The following TUBGCP3 variants were observed in gnomAD, a reference collection of about 807,000 sequenced individuals.
TUBGCP3 encodes the protein tubulin gamma complex component 3.
In TUBGCP3, 50 loss-of-function variants were observed where a neutral mutation model predicts 123.1. The ratio of observed to expected loss-of-function variants is 0.41; its 90% confidence interval spans 0.32 to 0.51. The LOEUF is 0.51. Ranked by LOEUF, TUBGCP3 falls within the 20% of genes least tolerant of loss-of-function variation. The pLI, the probability that TUBGCP3 is intolerant of heterozygous loss-of-function variation, is 0.36. For synonymous variants in TUBGCP3, 405 were observed against 413.9 expected, an observed-to-expected ratio of 0.98 and a Z score of 0.26; for missense variants, 882 against 1,127.0, an observed-to-expected ratio of 0.78 and a Z score of 3.11.
At chr13:112,493,384 T>C (rs1295475591) in intron 20 of TUBGCP3, among the ~76,000 whole-genome samples, 1 of 148,056 alleles carries the variant, frequency 6.8e-6, no homozygotes, top group African/African-American at 2.5e-5. Flanking sequence ...CCTGAGACGC[T>C]CTGGCTATGG....
At chr13:112,528,167 T>C (rs2139095848) in intron 11 of TUBGCP3, among the ~76,000 whole-genome samples, 1 of 152,340 alleles carries the variant, frequency 6.6e-6, no homozygotes, top group East Asian at 1.9e-4. Context: ...AAGGAGAAAA[T>C]TCAATTGCTG....
chr13:112,578,419 C>T (rs1383135797), intron 1 of TUBGCP3, among the ~76,000 whole-genome samples: 1 of 149,890 alleles, frequency 6.7e-6, no homozygotes, highest in Non-Finnish European at 1.5e-5. Flanking sequence ...ATTAGCCGGG[C>T]GTGGTGGTGG....
intron 19 of TUBGCP3, among the ~76,000 whole-genome samples, chr13:112,503,418 G>A (rs1447121472): frequency 6.6e-6 from 1 of 152,204 alleles, no homozygotes; most frequent in Non-Finnish European, 1.5e-5. Context: ...TGCCCAGGCT[G>A]CAGTGCAGTG....
intron 13 of TUBGCP3, among the ~76,000 whole-genome samples, chr13:112,526,522 C>T (rs573088519): frequency 2.0e-5 from 3 of 151,630 alleles, no homozygotes; most frequent in Admixed American, 1.3e-4. Context: ...ACCATCACTG[C>T]CACCACCATG....
At chr13:112,515,741 G>A (rs978235028) in intron 17 of TUBGCP3, among the ~76,000 whole-genome samples, 3 of 152,162 alleles carry the variant, frequency 2.0e-5, no homozygotes, top group African/African-American at 4.8e-5. Flanking sequence ...GTCAGTGTTG[G>A]CTCAGACAGG....
chr13:112,556,975 G>C (rs940043931), intron 5 of TUBGCP3, among the ~76,000 whole-genome samples: 1 of 152,172 alleles, frequency 6.6e-6, no homozygotes, highest in African/African-American at 2.4e-5. Flanking sequence ...CCAGAGCTTG[G>C]ATTTAGTACT....
chr13:112,564,651 A>G (rs1024848300), intron 3 of TUBGCP3, among the ~76,000 whole-genome samples: 1 of 152,226 alleles, frequency 6.6e-6, no homozygotes, highest in Admixed American at 6.5e-5. Context: ...CTGCGTCTCA[A>G]AAGAAAAAAA....
At chr13:112,496,642 A>G (rs1314431615) in intron 20 of TUBGCP3, among the ~76,000 whole-genome samples, 1 of 152,136 alleles carries the variant, frequency 6.6e-6, no homozygotes, top group Non-Finnish European at 1.5e-5. Flanking sequence ...TGCCCAAGAG[A>G]ACCTTCCACT....
intron 18 of TUBGCP3, 141 bp from the exon 19 acceptor site, chr13:112,504,304 A>G (rs1032181373): frequency 7.4e-6 from 8 of 1,083,328 alleles, no homozygotes; most frequent in South Asian, 6.4e-5. Context: ...CCTGGCCAAC[A>G]TGGCAAAACC....
chr13:112,565,275 T>C (rs1880868972), intron 2 of TUBGCP3, 97 bp from the exon 3 acceptor site: 3 of 1,069,334 alleles, frequency 2.8e-6, no homozygotes, highest in Middle Eastern at 5.3e-4. Context: ...TCGCAAGTGA[T>C]GAATTCAGAG....
At position 112,527,431 on chromosome 13, in the gene TUBGCP3, C is replaced by T. The variant is rs1265321763; in HGVS notation, c.1389G>A (p.Lys463=). 6.2e-7 allele frequency: 1 copy of T among 1,608,566 alleles called. No individual in the cohort carries two copies. Among genetic ancestry groups the T allele is most frequent in the Admixed American group, 1.7e-5 (1 of 58,430 alleles). ...GAATCATCGATTTCCTCAAAGTATA[C>T]TTGTCGTGCCACAGTCGATCTGTTT... ...TVKTDRLWHD[K]YTLRKSMIPS... The change falls in exon 12 of 22, where the codon AAG becomes AAA. Residue 463 remains lysine (K), a synonymous_variant. Coordinates refer to ENST00000261965, the MANE Select transcript of TUBGCP3 (RefSeq NM_006322.6).
At chr13:112,581,088 C>T (rs184333607) in intron 1 of TUBGCP3, among the ~76,000 whole-genome samples, 1 of 152,290 alleles carries the variant, frequency 6.6e-6, no homozygotes, top group Non-Finnish European at 1.5e-5. Context: ...AGGGAGCCGG[C>T]CCCTTGCTCC....
At chr13:112,488,655 CCCA>C (rs1879845627) in intron 21 of TUBGCP3, among the ~76,000 whole-genome samples, 1 of 147,730 alleles carries the variant, frequency 6.8e-6, no homozygotes, top group Non-Finnish European at 1.5e-5. Context: ...CCCCCAGGTC[CCCA>C]CATCCCACCA....
At chr13:112,486,190 A>G in intron 21 of TUBGCP3, 39 bp from the exon 22 acceptor site, 1 of 1,609,002 alleles carries the variant, frequency 6.2e-7, no homozygotes, top group Non-Finnish European at 8.5e-7. Flanking sequence ...TGTTTCAGAA[A>G]AGAACAACCC....
At chr13:112,565,922 G>T (rs1200437313) in intron 2 of TUBGCP3, among the ~76,000 whole-genome samples, 1 of 142,618 alleles carries the variant, frequency 7.0e-6, no homozygotes, top group Non-Finnish European at 1.5e-5. Flanking sequence ...CCGACAGAGC[G>T]AGACTCTGTC....
intron 1 of TUBGCP3, among the ~76,000 whole-genome samples, chr13:112,585,304 C>A (rs1882531475): frequency 6.6e-6 from 1 of 152,178 alleles, no homozygotes; most frequent in Non-Finnish European, 1.5e-5. Flanking sequence ...TGCTCCTTTG[C>A]TCACTAAGGT....
chr13:112,517,377 C>T (rs1192647427), intron 16 of TUBGCP3, among the ~76,000 whole-genome samples: 1 of 152,154 alleles, frequency 6.6e-6, no homozygotes. Flanking sequence ...TGTTTATGTA[C>T]ATGGCATGAC....
chr13:112,567,935 C>T (rs1200449992), intron 2 of TUBGCP3, among the ~76,000 whole-genome samples: 1 of 151,126 alleles, frequency 6.6e-6, no homozygotes, highest in African/African-American at 2.5e-5. Context: ...ATTACTGAGA[C>T]CCACAGCCAA....
intron 1 of TUBGCP3, among the ~76,000 whole-genome samples, chr13:112,581,190 C>T (rs1000975767): frequency 2.0e-5 from 3 of 152,092 alleles, no homozygotes; most frequent in Non-Finnish European, 2.9e-5. Flanking sequence ...TAAGGACTCA[C>T]ACCCCCCCAT....
Sources: gnomAD v4.1 joint callset for allele counts (sites outside exome capture counted in the v4.1 genomes callset) on GRCh38, gnomAD v4.1.1 for gene constraint, MANE v1.5 for transcripts, NCBI Gene and HGNC (gene_info 2026-07-23, HGNC 2026-07-21) for gene names.